The following ZNF140 variants were observed in gnomAD, a reference collection of about 807,000 sequenced individuals.
ZNF140 encodes zinc finger protein 140, also known as zinc finger protein 140 (clone pHZ-39).
In ZNF140, 13 loss-of-function variants were observed where a neutral mutation model predicts 12.9. The observed-to-expected ratio is 1.01, with a 90% CI of 0.66 to 1.60. The LOEUF (loss-of-function observed/expected upper bound fraction) is 1.60. Ranked by LOEUF, ZNF140 falls within the 40% of genes most tolerant of loss-of-function variation. The pLI is 0.00. For missense variants in ZNF140, 531 were observed against 548.8 expected (o/e 0.97, Z 0.32); for synonymous variants, 214 against 186.7 (o/e 1.15, Z -1.19).
intron 4 of ZNF140, among the ~76,000 whole-genome samples, chr12:133,087,581 A>C (rs909734043): frequency 6.6e-6 from 1 of 151,730 alleles, no homozygotes; most frequent in Non-Finnish European, 1.5e-5. Context: ...AGTTGTTATC[A>C]ATGACTTATA....
chr12:133,082,190 T>C (rs1954525651), intron 2 of ZNF140: 1 of 152,260 alleles, frequency 6.6e-6, no homozygotes, highest in Admixed American at 6.5e-5. Context: ...TCCACTTCTT[T>C]ATCCTACTTT....
chr12:133,090,966 T>C (rs923891740), intron 4 of ZNF140, among the ~76,000 whole-genome samples: 2 of 147,458 alleles, frequency 1.4e-5, no homozygotes, highest in African/African-American at 2.5e-5. Context: ...GCGGTTTTGC[T>C]ACTATCTCAG....
At chr12:133,088,796 T>G (rs1954764963) in intron 4 of ZNF140, among the ~76,000 whole-genome samples, 1 of 151,578 alleles carries the variant, frequency 6.6e-6, no homozygotes, top group African/African-American at 2.4e-5. Flanking sequence ...AATGCTTTTA[T>G]TGCTTCTATT....
upstream of ZNF140, chr12:133,080,731 G>T (rs1231110186): frequency 2.0e-5 from 3 of 152,418 alleles, no homozygotes; most frequent in African/African-American, 4.8e-5. Context: ...GTCTCCTGGC[G>T]TTCTGGGCAC....
Position 133,081,344 on chromosome 12 carries a change from GATAAAT to G in ZNF140, c.9+19_9+24del, listed in dbSNP as rs1233758870. 1.5e-3 allele frequency: 680 copies of G among 461,250 alleles called. 11 individuals carry two copies. The highest frequency in any genetic ancestry group is 5.1e-3 in the Middle Eastern group (7 of 1,374). The allele number at this position is 461,250 out of a possible 1,614,324, so 28.6% of individuals were successfully genotyped here. A position where few individuals can be genotyped will look rare whatever the true frequency, so the allele number is the denominator to read the frequency against. Reference sequence around the variant, plus strand: ...CTATGTCTCAGGTAAGCTAATGATTGATAAATATATATATATATATATATATAAATT... The same window carrying G: ...CTATGTCTCAGGTAAGCTAATGATTGATATATATATATATATATATAAATT... On this transcript the variant is annotated intron_variant, in intron 2 of 4. Coordinates refer to ENST00000355557, the MANE Select transcript of ZNF140 (RefSeq NM_003440.4).
Position 133,083,194 on chromosome 12 carries a change from T to C in ZNF140, c.101T>C (p.Val34Ala). Residue 34 changes from valine (V) to alanine (A), a missense_variant, in exon 3 of 5, where the codon GTA (valine) becomes GCA (alanine). By Grantham distance (64) the Val-to-Ala change is moderately conservative (BLOSUM62 0). Transcript: ENST00000355557. ...QPAQRDLYRC[V>A]MLENYGHLVS... Reference sequence around the variant, plus strand: ...GCTCAAAGAGATTTGTACAGATGTGTAATGTTGGAGAACTATGGCCATCTG... The same window carrying C: ...GCTCAAAGAGATTTGTACAGATGTGCAATGTTGGAGAACTATGGCCATCTG... The C allele has an allele frequency of 6.2e-7, 1 of 1,614,156 alleles. No individual in the cohort carries two copies. Among genetic ancestry groups the C allele is most frequent in the Non-Finnish European group, 8.5e-7 (1 of 1,179,984 alleles).
At chr12:133,096,128 G>A (rs1225871791) in intron 4 of ZNF140, among the ~76,000 whole-genome samples, 3 of 151,604 alleles carry the variant, frequency 2.0e-5, no homozygotes, top group African/African-American at 7.3e-5. Flanking sequence ...GAGAAACCTT[G>A]GACAATACCC....
rs748392804 is a variant in ZNF140 at position 133,091,161 on chromosome 12, A to G, written c.232+7600A>G. 3.3e-4 allele frequency among the ~76,000 whole-genome samples: 50 copies of G among 150,216 alleles called. 3 individuals are homozygous for G. Among genetic ancestry groups the G allele is most frequent in the Admixed American group, 5.3e-4 (8 of 15,100 alleles). ...CAGGTCTTTCTCATCCCACGAGGCCATATTTCAGACTCTCACATTGGGAGA... is the reference window on the plus strand; with the variant it reads ...CAGGTCTTTCTCATCCCACGAGGCCGTATTTCAGACTCTCACATTGGGAGA... On this transcript the variant is annotated intron_variant, in intron 4 of 4. Transcript: ENST00000355557.
At chr12:133,083,330 TA>T in intron 3 of ZNF140, 101 bp downstream of exon 3, 1 of 1,506,800 alleles carries the variant, frequency 6.6e-7, no homozygotes, top group Non-Finnish European at 8.9e-7. Context: ...TGGGGTTTCT[TA>T]AAATTAGTTT....
chr12:133,095,904 T>G (rs1056505905), intron 4 of ZNF140, among the ~76,000 whole-genome samples: 6 of 151,976 alleles, frequency 3.9e-5, no homozygotes, highest in African/African-American at 9.7e-5. Context: ...GTTTTGCTAC[T>G]ATCTCAGAAT....
At chr12:133,084,678 AG>A (rs1259323362) in intron 4 of ZNF140, among the ~76,000 whole-genome samples, 27 of 152,342 alleles carry the variant, frequency 1.8e-4, no homozygotes, top group African/African-American at 6.5e-4. Context: ...TGTTTAATGG[AG>A]GTACACTGAT....
At chr12:133,083,267 G>T in intron 3 of ZNF140, 38 bp downstream of exon 3, 2 of 1,592,422 alleles carry the variant, frequency 1.3e-6, no homozygotes, top group South Asian at 2.2e-5. Flanking sequence ...GGCAAAATTT[G>T]ACCGTTAGGG....
chr12:133,103,824 C>G (rs1955457304), intron 4 of ZNF140, among the ~76,000 whole-genome samples: 1 of 152,192 alleles, frequency 6.6e-6, no homozygotes, highest in Non-Finnish European at 1.5e-5. Flanking sequence ...ACTCAGTTCA[C>G]ATCTACAGAG....
chr12:133,095,693 A>G (rs991675451), intron 4 of ZNF140, among the ~76,000 whole-genome samples: 25 of 151,820 alleles, frequency 1.6e-4, no homozygotes, highest in East Asian at 7.7e-4. Flanking sequence ...GTAGTAGGAG[A>G]GCAGGGTGAT....
At chr12:133,104,594 G>T (rs1408779092) in intron 4 of ZNF140, among the ~76,000 whole-genome samples, 1 of 152,012 alleles carries the variant, frequency 6.6e-6, no homozygotes, top group African/African-American at 2.4e-5. Flanking sequence ...CTCATGATCT[G>T]CCCGCCTTGG....
chr12:133,105,847 A>G lies in ZNF140; in HGVS notation c.570A>G (p.Ala190=). The change falls in exon 5 of 5, where the codon GCA becomes GCG. Residue 190 remains alanine, a synonymous_variant. Transcript: ENST00000355557. ...QRTHTGEKPY[A]CKECGKTFSQ... ...CTCATACTGGAGAGAAACCATATGC[A>G]TGTAAGGAATGTGGCAAAACCTTTA... is the stretch of plus-strand genomic sequence containing the variant. 1 of 1,614,206 alleles carries G rather than the reference A, an allele frequency of 6.2e-7. No individual in the cohort carries two copies. The highest frequency in any genetic ancestry group is 8.5e-7 in the Non-Finnish European group (1 of 1,180,044).
At position 133,083,376 on chromosome 12, in the gene ZNF140, C is replaced by T. The variant is rs1954567233; in HGVS notation, c.137-90C>T. ...GACGTAACTGCACCTTATTTTTAGA[C>T]ATTTTAAAAACTTACATCTGACATT... On this transcript the variant is annotated intron_variant, in intron 3 of 4. Transcript: ENST00000355557. The T allele has an allele frequency of 2.6e-6, 4 of 1,512,316 alleles. No individual in the cohort carries two copies. In the South Asian group the frequency reaches 5.1e-5, roughly 19 times the overall value. 93.7% of individuals were successfully genotyped at this position (1,512,316 alleles called of 1,614,324 possible).
Position 133,105,552 on chromosome 12 carries a change from AT to A in ZNF140, c.276del (p.Asn92LysfsTer11), listed in dbSNP as rs1421809074. ...GAGATCAAAGACTTTTCACCAAAAA[AT>A]GTCATTTATGATGACTCATCCCAGT... is the stretch of plus-strand genomic sequence containing the variant. The part of the protein sequence containing the change: ...SGEIKDFSPK[N>X]VIYDDSSQYL... On this transcript the variant is annotated frameshift_variant, in exon 5 of 5. Transcript: ENST00000355557. LOFTEE classifies it low-confidence loss of function (END_TRUNC). 1.2e-4 allele frequency: 200 copies of A among 1,610,330 alleles called. No homozygotes were observed. Among genetic ancestry groups the A allele is most frequent in the Non-Finnish European group, 1.6e-4 (194 of 1,178,960 alleles).
Position 133,106,680 on chromosome 12 carries a change from G to C in ZNF140, c.*29G>C, listed in dbSNP as rs766335959. The C allele has an allele frequency of 6.6e-7, 1 of 1,512,798 alleles. No homozygotes were observed. Among genetic ancestry groups the C allele is most frequent in the East Asian group, 2.3e-5 (1 of 44,300 alleles). The allele number at this position is 1,512,798 out of a possible 1,614,324, so 93.7% of individuals were successfully genotyped here. The stretch of plus-strand genomic sequence containing the variant: ...TACACTGCAAAGAAAAACTATGAAT[G>C]TATGGAATTTTTTAAAAAGAAGTAT... On this transcript the variant is annotated 3_prime_UTR_variant, in exon 5 of 5. Transcript: ENST00000355557.
Sources: gnomAD v4.1 joint callset for allele counts (sites outside exome capture counted in the v4.1 genomes callset) on GRCh38, gnomAD v4.1.1 for gene constraint, MANE v1.5 for transcripts, NCBI Gene and HGNC (gene_info 2026-07-23, HGNC 2026-07-21) for gene names.